The following TAOK2 variants were observed in gnomAD, a reference collection of about 807,000 sequenced individuals.
TAOK2 encodes TAO kinase 2, also known as serine/threonine-protein kinase TAO2.
In TAOK2, 42 loss-of-function variants were observed where a neutral mutation model predicts 122.5. The ratio of observed to expected loss-of-function variants is 0.34; its 90% CI spans 0.27 to 0.44. The LOEUF is 0.44. Among genes scored for constraint, TAOK2 ranks in the 20% least tolerant of loss-of-function variants. The pLI, the probability that TAOK2 is intolerant of heterozygous loss-of-function variation, is 1.00. For missense variants in TAOK2, 1,264 were observed against 1,644.9 expected, an observed-to-expected ratio of 0.77 and a Z score of 4.01; for synonymous variants, 704 against 677.6, an observed-to-expected ratio of 1.04 and a Z score of -0.61.
chr16:29,989,062 G>A, downstream of TAOK2: 1 of 985,312 alleles, frequency 1.0e-6, no homozygotes, highest in Non-Finnish European at 1.2e-6. Flanking sequence ...CTTCCTCCCT[G>A]AGCTGCTGGA....
intron 1 of TAOK2, among the ~76,000 whole-genome samples, chr16:29,975,927 T>C (rs1567236603): frequency 6.6e-6 from 1 of 152,242 alleles, no homozygotes; most frequent in Non-Finnish European, 1.5e-5. Flanking sequence ...GCCCTGTTGC[T>C]GTACATTGCA....
rs1378116017 is a variant in TAOK2, at chr16:29,987,010, C to T, written c.2738C>T (p.Thr913Ile). The change falls in exon 16 of 16, where the codon ACC (threonine) becomes ATC (isoleucine). Residue 913 changes from threonine (T) to isoleucine (I), a missense_variant. Transcript: ENST00000308893. ...GAGGAAGAGGGGGCTCCGATTGGGA[C>T]CCCTAGGGATCCTGGAGATGGTTGT... is the stretch of plus-strand genomic sequence containing the variant. ...EEEEEGAPIG[T>I]PRDPGDGCPS... 1 of 1,612,636 alleles carries T rather than the reference C, an allele frequency of 6.2e-7. No homozygotes were observed. The highest frequency in any genetic ancestry group is 8.5e-7 in the Non-Finnish European group (1 of 1,179,196).
chr16:29,979,396 C>T lies in TAOK2; in HGVS notation c.564-21C>T. ...GGGTCTCGGCGGGTGATTTGCCTCT[C>T]TCTCCTGACCATTCTCCTAGGATGG... On this transcript the variant is annotated intron_variant, in intron 7 of 15. Coordinates refer to ENST00000308893, the MANE Select transcript of TAOK2 (RefSeq NM_016151.4). This position sits in a 1 kb window ranked among gnomAD's most constrained non-coding sequence, Gnocchi z 4.1. 2.5e-6 allele frequency: 4 copies of T among 1,599,812 alleles called. No homozygotes were observed. The highest frequency in any genetic ancestry group is 2.2e-5 in the East Asian group (1 of 44,696).
chr16:29,986,915 GGAT>G lies in TAOK2; in HGVS notation c.2646_2648del (p.Asp882del). 1.9e-6 allele frequency: 3 copies of G among 1,613,628 alleles called. No individual in the cohort carries two copies. Among genetic ancestry groups the G allele is most frequent in the Non-Finnish European group, 2.5e-6 (3 of 1,179,578 alleles). On this transcript the variant is annotated inframe_deletion, in exon 16 of 16. Transcript: ENST00000308893. The surrounding 1 kb of genome is among the most constrained non-coding windows in gnomAD (Gnocchi z 4.2). ...GGGGGAAGGAGGATGAGAGTCTTCT[GGAT>G]GAGGAGTTTGAGCTTGGCTGGGTCC...
rs1449169647 is a variant in TAOK2 at position 29,985,082 on chromosome 16, T to C, written c.1423-131T>C. Reference sequence around the variant, plus strand: ...GAGGAAACAGGCTAGAGTGGCCGTGTGTGAGGAAGGTGTTAAATGAGAATG... The same window carrying C: ...GAGGAAACAGGCTAGAGTGGCCGTGCGTGAGGAAGGTGTTAAATGAGAATG... On this transcript the variant is annotated intron_variant, in intron 13 of 15. Coordinates refer to ENST00000308893, the MANE Select transcript of TAOK2 (RefSeq NM_016151.4). The surrounding 1 kb of genome is among the most constrained non-coding windows in gnomAD (Gnocchi z 6.9). 5.0e-6 allele frequency: 6 copies of C among 1,191,552 alleles called. No homozygotes were observed. The highest frequency in any genetic ancestry group is 4.6e-5 in the African/African-American group (3 of 64,898). The allele number at this position is 1,191,552 out of a possible 1,614,324, so 73.8% of individuals were successfully genotyped here. A position where few individuals can be genotyped will look rare whatever the true frequency, so the allele number is the denominator to read the frequency against.
chr16:29,991,817 A>C, downstream of TAOK2: 1 of 420,348 alleles, frequency 2.4e-6, no homozygotes. The surrounding 1 kb of genome is among the most constrained non-coding windows in gnomAD (Gnocchi z 5.6). Context: ...TCCCTCCGCC[A>C]CCTAGGAAAG....
downstream of TAOK2, chr16:29,991,744 C>A: frequency 1.2e-6 from 1 of 847,228 alleles, no homozygotes; most frequent in Non-Finnish European, 1.6e-6. This position sits in a 1 kb window ranked among gnomAD's most constrained non-coding sequence, Gnocchi z 5.6. Context: ...CCAGGGCCAG[C>A]TTGGCGATAG....
At chr16:29,984,989 G>C (rs2069737260) in intron 13 of TAOK2, 1 of 449,082 alleles carries the variant, frequency 2.2e-6, no homozygotes, top group African/African-American at 2.0e-5. Flanking sequence ...GCCAGGCCCT[G>C]TGCTCGCCAC....
chr16:29,978,920 A>T (rs2069537283), intron 5 of TAOK2, 54 bp from the exon 6 acceptor site: 1 of 1,613,488 alleles, frequency 6.2e-7, no homozygotes, highest in African/African-American at 1.3e-5. Context: ...AGGGGAGTTT[A>T]TTCCAGTCCC....
intron 10 of TAOK2, among the ~76,000 whole-genome samples, chr16:29,982,255 C>T (rs1030831975): frequency 6.6e-6 from 1 of 152,220 alleles, no homozygotes. Flanking sequence ...AGCCAAAAGC[C>T]TGTGTAGCCT....
rs1327839352 is a variant in TAOK2 at position 29,987,828 on chromosome 16, C to T, written c.3556C>T (p.Leu1186Phe). 1 of 1,612,816 alleles carries T rather than the reference C, an allele frequency of 6.2e-7. No individual in the cohort carries two copies. Among genetic ancestry groups the T allele is most frequent in the Non-Finnish European group, 8.5e-7 (1 of 1,179,738 alleles). The stretch of plus-strand genomic sequence containing the variant: ...CCACACACTGGCCAGCTGGGGCCTG[C>T]TTCGGGGTGAACGGCCCACCCGAAT... The part of the protein sequence containing the change: ...AIHTLASWGL[L>F]RGERPTRIPR... The change falls in exon 16 of 16, where the codon CTT (leucine) becomes TTT (phenylalanine). Residue 1186 changes from leucine to phenylalanine, a missense_variant. Around this residue, in one of 4 missense-constraint regions of TAOK2, gnomAD observed 824 missense variants for 908.7 expected, o/e 0.91. Coordinates refer to ENST00000308893, the MANE Select transcript of TAOK2 (RefSeq NM_016151.4).
rs758771154 is a variant in TAOK2 at position 29,987,285 on chromosome 16, C to T, written c.3013C>T (p.Leu1005Phe). Residue 1005 changes from leucine to phenylalanine, a missense_variant, in exon 16 of 16, where the codon CTC (leucine) becomes TTC (phenylalanine). This residue lies in a region of TAOK2 where 824 missense variants were observed against 908.7 expected (regional missense o/e 0.91). Coordinates refer to ENST00000308893, the MANE Select transcript of TAOK2 (RefSeq NM_016151.4). ...GGTGGGTCTGGGGGCCTCCTACCTG[C>T]TCCTTTGTACAGCCCTGCACCTGCC... ...GLVGLGASYL[L>F]LCTALHLPSS... The T allele has an allele frequency of 6.6e-7, 1 of 1,526,256 alleles. No homozygotes were observed. The highest frequency in any genetic ancestry group is 8.8e-7 in the Non-Finnish European group (1 of 1,141,036). The allele number at this position is 1,526,256 out of a possible 1,614,324, so 94.5% of individuals were successfully genotyped here.
rs1259853271 is a variant in TAOK2 at position 29,985,665 on chromosome 16, A to G, written c.1796A>G (p.Gln599Arg). The change falls in exon 15 of 16, where the codon CAG (glutamine) becomes CGG (arginine). Residue 599 changes from glutamine (Q) to arginine (R), a missense_variant. Physicochemically the swap from Gln to Arg is conservative, Grantham distance 43. Transcript: ENST00000308893. The surrounding 1 kb of genome is among the most constrained non-coding windows in gnomAD (Gnocchi z 6.9). ...CCCTCTGCACTCGCCCAGGAGCTCCAGGAGAACCCCAGCACTCCCAAGCGG... is the reference window on the plus strand; with the variant it reads ...CCCTCTGCACTCGCCCAGGAGCTCCGGGAGAACCCCAGCACTCCCAAGCGG... ...LRKEQLKEEL[Q>R]ENPSTPKREK... The G allele has an allele frequency of 7.5e-6, 12 of 1,610,104 alleles. No homozygotes were observed. The highest frequency in any genetic ancestry group is 1.1e-5 in the South Asian group (1 of 90,624).
chr16:29,988,340 T>G lies in TAOK2; in HGVS notation c.*360T>G. The stretch of plus-strand genomic sequence containing the variant: ...TCTGTCTCCCTTCCAACCTGTCCCC[T>G]TCCCCCCACCAAAAAAAGAAAAAGA... On this transcript the variant is annotated 3_prime_UTR_variant, in exon 16 of 16. Coordinates refer to ENST00000308893, the MANE Select transcript of TAOK2 (RefSeq NM_016151.4). The G allele has an allele frequency of 2.2e-6, 3 of 1,383,776 alleles. No individual in the cohort carries two copies. Among genetic ancestry groups the G allele is most frequent in the Non-Finnish European group, 2.9e-6 (3 of 1,050,460 alleles). 85.7% of individuals were successfully genotyped at this position (1,383,776 alleles called of 1,614,324 possible). A position where few individuals can be genotyped will look rare whatever the true frequency, so the allele number is the denominator to read the frequency against.
At chr16:29,977,156 CTTCCCATTCTAGATCT>C (rs1483592471) in intron 1 of TAOK2, among the ~76,000 whole-genome samples, 1 of 152,186 alleles carries the variant, frequency 6.6e-6, no homozygotes, top group Non-Finnish European at 1.5e-5. Context: ...TATCCCTATT[CTTCCCATTCTAGATCT>C]CCCCCTGACT....
rs543502927 is a variant in TAOK2, at chr16:29,988,189, C to T, written c.*209C>T. 83 of 1,434,188 alleles carry T rather than the reference C, an allele frequency of 5.8e-5. No homozygotes were observed. The African/African-American group carries it at 8.2e-4, about 14-fold the overall frequency. 88.8% of individuals were successfully genotyped at this position (1,434,188 alleles called of 1,614,324 possible). A position where few individuals can be genotyped will look rare whatever the true frequency, so the allele number is the denominator to read the frequency against. ...CACTCTGTGTTCTCCTGGCGCTCCT[C>T]CCCTAAGTTATTGCTGTTCGCCCGC... On this transcript the variant is annotated 3_prime_UTR_variant, in exon 16 of 16. Coordinates refer to ENST00000308893, the MANE Select transcript of TAOK2 (RefSeq NM_016151.4).
chr16:29,991,103 G>A (rs781751885), downstream of TAOK2: 1 of 1,597,814 alleles, frequency 6.3e-7, no homozygotes, highest in Non-Finnish European at 8.5e-7. This position sits in a 1 kb window ranked among gnomAD's most constrained non-coding sequence, Gnocchi z 5.6. Context: ...TCCGCAGTCT[G>A]CTTGAGCGGC....
At chr16:29,988,599 C>T (rs1321954459), downstream of TAOK2, 1 of 985,334 alleles carries the variant, frequency 1.0e-6, no homozygotes, top group East Asian at 1.1e-4. Flanking sequence ...GTCTGGGCCC[C>T]TGTAGAACTT....
downstream of TAOK2, chr16:29,992,260 G>C (rs1301994390): frequency 6.6e-6 from 1 of 152,120 alleles, no homozygotes; most frequent in East Asian, 1.9e-4. Flanking sequence ...TATTCTAACA[G>C]ATCTCAGGAC....
Sources: gnomAD v4.1 joint callset for allele counts (sites outside exome capture counted in the v4.1 genomes callset) on GRCh38, gnomAD v4.1.1 for gene constraint, gnomAD v4.1.1 regional missense constraint, Gnocchi (gnomAD v3.1) non-coding constraint, MANE v1.5 for transcripts, NCBI Gene and HGNC (gene_info 2026-07-23, HGNC 2026-07-21) for gene names.